Variants in MIPOL1 observed in about 807,000 individuals in gnomAD.
The protein encoded by MIPOL1 is mirror-image polydactyly gene 1 protein.
A neutral mutation model predicts 60.9 loss-of-function variants in MIPOL1; 57 were observed. The ratio of observed to expected loss-of-function variants is 0.94; its 90% CI spans 0.76 to 1.17. The LOEUF is 1.17. MIPOL1 is among the 50% of genes most tolerant of loss of function. The probability of loss-of-function intolerance (pLI) is 0.00; values close to 1 mark genes in which losing one functional copy is unlikely to be tolerated. For missense variants in MIPOL1, 551 were observed against 511.6 expected (o/e 1.08, Z -0.74); for synonymous variants, 179 against 168.8 (o/e 1.06, Z -0.47).
chr14:37,270,411 GT>G lies in MIPOL1; in HGVS notation c.388-8del. The G allele has an allele frequency of 7.0e-7, 1 of 1,422,406 alleles. No homozygotes were observed. The highest frequency in any genetic ancestry group is 9.5e-7 in the Non-Finnish European group (1 of 1,051,820). 88.1% of individuals were successfully genotyped at this position (1,422,406 alleles called of 1,614,324 possible). The stretch of plus-strand genomic sequence containing the variant: ...ATAAGAATCCATGATTTTTTTCAAT[GT>G]GCTTTAGCTTCAGCAGAAATTGGCT... On this transcript the variant is annotated splice_polypyrimidine_tract_variant and splice_region_variant and intron_variant, in intron 5 of 12. Transcript: ENST00000684589.
chr14:37,264,750 T>C (rs995226302), intron 3 of MIPOL1, among the ~76,000 whole-genome samples: 1 of 152,190 alleles, frequency 6.6e-6, no homozygotes, highest in Non-Finnish European at 1.5e-5. Flanking sequence ...AACTTTCTTA[T>C]GAGACAAATT....
At chr14:37,406,801 C>A (rs2093594819) in intron 10 of MIPOL1, among the ~76,000 whole-genome samples, 1 of 152,078 alleles carries the variant, frequency 6.6e-6, no homozygotes, top group Non-Finnish European at 1.5e-5. Context: ...CTGTTCTAGA[C>A]ATTAAAAGTG....
intron 9 of MIPOL1, among the ~76,000 whole-genome samples, chr14:37,368,846 A>G (rs1203416419): frequency 6.6e-6 from 1 of 152,054 alleles, no homozygotes; most frequent in Non-Finnish European, 1.5e-5. Context: ...ACTTTAACTT[A>G]TTATTTTTAC....
intron 1 of MIPOL1, among the ~76,000 whole-genome samples, chr14:37,244,472 G>A (rs1972872433): frequency 6.6e-6 from 1 of 151,812 alleles, no homozygotes; most frequent in South Asian, 2.1e-4. Flanking sequence ...TAGCTTGGAG[G>A]AATGAGGCTA....
At chr14:37,325,880 G>C (rs2051476694) in intron 9 of MIPOL1, among the ~76,000 whole-genome samples, 1 of 152,076 alleles carries the variant, frequency 6.6e-6, no homozygotes. Flanking sequence ...TGATTCAAAG[G>C]CATGAGGAAT....
intron 9 of MIPOL1, among the ~76,000 whole-genome samples, chr14:37,362,556 C>T (rs548829650): frequency 6.6e-6 from 1 of 152,134 alleles, no homozygotes; most frequent in African/African-American, 2.4e-5. Flanking sequence ...TCCTTTATTT[C>T]AACCTTGGTG....
chr14:37,504,815 G>A (rs1290336027), intron 12 of MIPOL1: 4 of 152,080 alleles, frequency 2.6e-5, no homozygotes, highest in Non-Finnish European at 4.4e-5. Flanking sequence ...ATGAATCCAG[G>A]AGCTGGTTTT....
intron 1 of MIPOL1, among the ~76,000 whole-genome samples, chr14:37,215,136 T>G (rs1163916188): frequency 1.3e-5 from 2 of 150,636 alleles, no homozygotes; most frequent in East Asian, 3.9e-4. Flanking sequence ...AGCTGTCTTC[T>G]CTCTCTCTCT....
chr14:37,546,565 A>G (rs1004148541), intron 12 of MIPOL1, among the ~76,000 whole-genome samples: 1 of 152,180 alleles, frequency 6.6e-6, no homozygotes, highest in African/African-American at 2.4e-5. Context: ...AGTTTATTCT[A>G]CATTTAATAT....
intron 11 of MIPOL1, among the ~76,000 whole-genome samples, chr14:37,498,123 C>T (rs1370164046): frequency 2.0e-5 from 3 of 152,006 alleles, no homozygotes; most frequent in Non-Finnish European, 4.4e-5. Flanking sequence ...GAAAATAAGC[C>T]AGACAAAAAG....
intron 9 of MIPOL1, among the ~76,000 whole-genome samples, chr14:37,362,477 A>C (rs898749066): frequency 1.3e-5 from 2 of 152,130 alleles, no homozygotes; most frequent in African/African-American, 4.8e-5. Flanking sequence ...CGATAGATGC[A>C]CTGTTAGTCT....
intron 9 of MIPOL1, among the ~76,000 whole-genome samples, chr14:37,326,966 A>G (rs1301749383): frequency 6.6e-6 from 1 of 152,196 alleles, no homozygotes; most frequent in Non-Finnish European, 1.5e-5. Context: ...AGAAAATGAA[A>G]AAAAAACTAT....
intron 3 of MIPOL1, among the ~76,000 whole-genome samples, chr14:37,257,083 TTTG>T: frequency 7.6e-6 from 1 of 132,024 alleles, no homozygotes; most frequent in Non-Finnish European, 1.6e-5. Context: ...TTTTGGGTTT[TTTG>T]GTTTTGTTTT....
Position 37,472,266 on chromosome 14 carries a change from A to C in MIPOL1, c.1032-27642A>C, listed in dbSNP as rs201475926. ...CCTAAGGGAGTTGGGATCATTAATAAAATTGAAAAATATTGGCCCTATGTA... is the reference window on the plus strand; with the variant it reads ...CCTAAGGGAGTTGGGATCATTAATACAATTGAAAAATATTGGCCCTATGTA... On this transcript the variant is annotated intron_variant, in intron 11 of 12. Transcript: ENST00000684589. Among the ~76,000 whole-genome samples the C allele has an allele frequency of 1.2e-4, 18 of 152,336 alleles. No homozygotes were observed. The East Asian group carries it at 3.1e-3, about 26-fold the overall frequency.
chr14:37,391,279 T>G (rs8006119), intron 10 of MIPOL1, among the ~76,000 whole-genome samples: 148,282 of 152,250 alleles, frequency 0.97, 72,216 homozygotes, highest in East Asian at 1. Context: ...AGTAAAGGGG[T>G]TTCTTAAATC....
At chr14:37,356,870 C>G (rs1186135473) in intron 9 of MIPOL1, among the ~76,000 whole-genome samples, 1 of 152,180 alleles carries the variant, frequency 6.6e-6, no homozygotes, top group African/African-American at 2.4e-5. Flanking sequence ...CTGTCTTCCC[C>G]GTCGGCCACG....
intron 12 of MIPOL1, among the ~76,000 whole-genome samples, chr14:37,526,911 T>A (rs1222893898): frequency 2.6e-5 from 4 of 152,216 alleles, no homozygotes; most frequent in Admixed American, 6.5e-5. Context: ...AGAGAATGCT[T>A]ATTTCTGTAA....
intron 6 of MIPOL1, among the ~76,000 whole-genome samples, chr14:37,273,036 T>C (rs1009789079): frequency 6.6e-6 from 1 of 151,178 alleles, no homozygotes; most frequent in African/African-American, 2.4e-5. Context: ...CATATAATAT[T>C]AGTTGCAATA....
chr14:37,240,888 C>G (rs1282530207), intron 1 of MIPOL1, among the ~76,000 whole-genome samples: 1 of 151,772 alleles, frequency 6.6e-6, no homozygotes, highest in African/African-American at 2.4e-5. Flanking sequence ...AATTTGATGT[C>G]CTTTTATGGT....
Sources: gnomAD v4.1 joint callset for allele counts (sites outside exome capture counted in the v4.1 genomes callset) on GRCh38, gnomAD v4.1.1 for gene constraint, MANE v1.5 for transcripts, NCBI Gene and HGNC (gene_info 2026-07-23, HGNC 2026-07-21) for gene names.